The following ROR1 variants were observed in gnomAD, a reference collection of about 807,000 sequenced individuals.
ROR1 encodes inactive tyrosine-protein kinase transmembrane receptor ROR1.
A neutral mutation model predicts 78.8 loss-of-function variants in ROR1; 19 were observed. That is an observed-to-expected ratio of 0.24 (90% CI 0.17 to 0.35). ROR1 has a LOEUF of 0.35. Ranked by LOEUF, ROR1 falls within the 10% of genes least tolerant of loss-of-function variation. ROR1 has a pLI of 1.00. For missense variants in ROR1, 917 were observed against 1,177.8 expected (o/e 0.78, Z 3.24); for synonymous variants, 386 against 433.6 (o/e 0.89, Z 1.36).
chr1:63,897,262 T>G (rs183864848), intron 1 of ROR1, among the ~76,000 whole-genome samples: 18 of 152,350 alleles, frequency 1.2e-4, no homozygotes, highest in African/African-American at 4.3e-4. Flanking sequence ...TAAAAGGATA[T>G]GCATAACATA....
chr1:63,994,425 G>T (rs1181241143), intron 1 of ROR1, among the ~76,000 whole-genome samples: 1 of 152,082 alleles, frequency 6.6e-6, no homozygotes, highest in Admixed American at 6.6e-5. Flanking sequence ...TCCAATAATG[G>T]AACACTAGTC....
intron 1 of ROR1, among the ~76,000 whole-genome samples, chr1:63,893,289 C>G (rs1374268251): frequency 2.0e-5 from 3 of 152,088 alleles, no homozygotes; most frequent in African/African-American, 4.8e-5. Flanking sequence ...GCTTGCTGCT[C>G]ACAGTCCCCA....
chr1:64,079,512 G>A (rs1160150002), intron 4 of ROR1, among the ~76,000 whole-genome samples: 8 of 145,610 alleles, frequency 5.5e-5, no homozygotes, highest in Admixed American at 5.0e-4. Context: ...TCGCTTTGTT[G>A]CCAGGCTGGA....
At chr1:63,915,893 G>A (rs946484034) in intron 1 of ROR1, among the ~76,000 whole-genome samples, 12 of 152,112 alleles carry the variant, frequency 7.9e-5, no homozygotes, top group South Asian at 4.2e-4. Context: ...CTCCCACTCC[G>A]GAGACCCAGT....
chr1:63,966,187 A>G (rs1646074202), intron 1 of ROR1, among the ~76,000 whole-genome samples: 1 of 152,182 alleles, frequency 6.6e-6, no homozygotes, highest in African/African-American at 2.4e-5. Flanking sequence ...AAGTTGTCAA[A>G]CAAGGAGACA....
At chr1:63,800,595 C>A (rs1489735744) in intron 1 of ROR1, among the ~76,000 whole-genome samples, 1 of 152,142 alleles carries the variant, frequency 6.6e-6, no homozygotes, top group African/African-American at 2.4e-5. Context: ...CTGAGACAGA[C>A]AATGATTGGA....
intron 4 of ROR1, among the ~76,000 whole-genome samples, chr1:64,101,322 C>A (rs2100657416): frequency 6.6e-6 from 1 of 152,212 alleles, no homozygotes; most frequent in East Asian, 1.9e-4. Context: ...TGTCTCATTC[C>A]TAAGGAGTCT....
chr1:64,081,203 A>C (rs1339790590), intron 4 of ROR1, among the ~76,000 whole-genome samples: 2 of 152,208 alleles, frequency 1.3e-5, no homozygotes, highest in Non-Finnish European at 2.9e-5. Flanking sequence ...CTGAGCAGTC[A>C]TAGGGAAATC....
intron 4 of ROR1, among the ~76,000 whole-genome samples, chr1:64,057,417 T>G (rs1646883882): frequency 6.6e-6 from 1 of 152,234 alleles, no homozygotes; most frequent in Non-Finnish European, 1.5e-5. Flanking sequence ...AGTATTCCAC[T>G]GGAGAAACAA....
intron 4 of ROR1, among the ~76,000 whole-genome samples, chr1:64,055,173 C>CA (rs1646864602): frequency 6.6e-6 from 1 of 152,164 alleles, no homozygotes; most frequent in African/African-American, 2.4e-5. Context: ...CTTGATATTG[C>CA]AAAGTTTTTC....
intron 1 of ROR1, among the ~76,000 whole-genome samples, chr1:63,989,162 GTTTTTGTTTTTTTT>G (rs1455930025): frequency 1.7e-5 from 2 of 117,398 alleles, no homozygotes; most frequent in Non-Finnish European, 3.8e-5. Flanking sequence ...GTCATTTTCT[GTTTTTGTTTTTTTT>G]TTTTTTTAAA....
chr1:63,910,025 A>G (rs886241351), intron 1 of ROR1, among the ~76,000 whole-genome samples: 1 of 152,238 alleles, frequency 6.6e-6, no homozygotes, highest in Non-Finnish European at 1.5e-5. Flanking sequence ...GCTGATTAAC[A>G]TTCTCTTAAC....
At chr1:64,139,012 C>T (rs1259122837) in intron 5 of ROR1, among the ~76,000 whole-genome samples, 1 of 151,640 alleles carries the variant, frequency 6.6e-6, no homozygotes, top group African/African-American at 2.4e-5. Context: ...AAAAACAATA[C>T]AAATATCAGC....
chr1:64,031,380 T>C (rs942588057), intron 2 of ROR1, among the ~76,000 whole-genome samples: 2 of 152,234 alleles, frequency 1.3e-5, no homozygotes, highest in Non-Finnish European at 2.9e-5. Context: ...GTACATTCCA[T>C]GCTGAAGGTG....
intron 1 of ROR1, among the ~76,000 whole-genome samples, chr1:63,791,798 G>C (rs1352111411): frequency 6.6e-6 from 1 of 152,090 alleles, no homozygotes. Context: ...GGAGGTAAAG[G>C]CTATAAAGTC....
intron 2 of ROR1, among the ~76,000 whole-genome samples, chr1:64,027,995 T>C (rs1229749250): frequency 6.6e-6 from 1 of 152,144 alleles, no homozygotes; most frequent in Non-Finnish European, 1.5e-5. Flanking sequence ...CTTAATTTAG[T>C]TCCTATCTAA....
chr1:64,092,573 G>A (rs573919290), intron 4 of ROR1, among the ~76,000 whole-genome samples: 1 of 152,138 alleles, frequency 6.6e-6, no homozygotes, highest in Non-Finnish European at 1.5e-5. Flanking sequence ...AGGCAGGGCT[G>A]AGTCCCTCAT....
intron 4 of ROR1, among the ~76,000 whole-genome samples, chr1:64,059,690 C>T (rs1646901792): frequency 7.3e-6 from 1 of 136,824 alleles, no homozygotes; most frequent in Non-Finnish European, 1.5e-5. Flanking sequence ...GCCTGGGTGA[C>T]ACAGCGAGAC....
intron 1 of ROR1, among the ~76,000 whole-genome samples, chr1:63,992,199 A>ATATT (rs973341045): frequency 6.0e-5 from 9 of 150,992 alleles, no homozygotes; most frequent in Non-Finnish European, 1.2e-4. Flanking sequence ...TATTATTATT[A>ATATT]TATTTATTTA....
Sources: gnomAD v4.1 joint callset for allele counts (sites outside exome capture counted in the v4.1 genomes callset) on GRCh38, gnomAD v4.1.1 for gene constraint, MANE v1.5 for transcripts, NCBI Gene and HGNC (gene_info 2026-07-23, HGNC 2026-07-21) for gene names.